Variants in ABCG8 observed in about 807,000 individuals in gnomAD.
The protein encoded by ABCG8 is ATP-binding cassette sub-family G member 8.
In ABCG8, 81 loss-of-function variants were observed where a neutral mutation model predicts 71.3. That is an observed-to-expected ratio of 1.14 (90% CI 0.95 to 1.37). The LOEUF is 1.37. Ranked by LOEUF, ABCG8 falls within the 40% of genes most tolerant of loss-of-function variation. The probability of loss-of-function intolerance (pLI) is 0.00; values close to 1 mark genes in which losing one functional copy is unlikely to be tolerated. For missense variants in ABCG8, 1,119 were observed against 866.2 expected, an observed-to-expected ratio of 1.29 and a Z score of -3.66; for synonymous variants, 451 against 354.7, an observed-to-expected ratio of 1.27 and a Z score of -3.05.
chr2:43,877,182 AAAG>A (rs748284479), intron 11 of ABCG8, among the ~76,000 whole-genome samples: 3 of 146,448 alleles, frequency 2.0e-5, no homozygotes, highest in Non-Finnish European at 3.0e-5. Flanking sequence ...ATGTCAATAT[AAAG>A]AAGACCATGG....
chr2:43,846,424 G>C, intron 3 of ABCG8, 113 bp downstream of exon 3: 1 of 1,459,660 alleles, frequency 6.9e-7, no homozygotes, highest in Non-Finnish European at 9.5e-7. Context: ...GAATAATACA[G>C]CAGAATGGCT....
intron 6 of ABCG8, among the ~76,000 whole-genome samples, chr2:43,855,678 C>G (rs1453633589): frequency 6.6e-6 from 1 of 151,974 alleles, no homozygotes; most frequent in Non-Finnish European, 1.5e-5. Context: ...CTCTCACTGT[C>G]TGGATAAAAT....
At chr2:43,851,951 G>A (rs533111166) in intron 4 of ABCG8, 129 bp downstream of exon 4, 24 of 1,083,886 alleles carry the variant, frequency 2.2e-5, no homozygotes, top group Admixed American at 8.7e-5. Context: ...CTTGCCTTCC[G>A]CCAGCCCTGG....
At chr2:43,868,591 G>C (rs1669619130) in intron 6 of ABCG8, among the ~76,000 whole-genome samples, 1 of 152,080 alleles carries the variant, frequency 6.6e-6, no homozygotes, top group Admixed American at 6.6e-5. Context: ...TATCTGGATA[G>C]AATAATCATC....
At chr2:43,839,994 T>TTAAC (rs1668518486) in intron 1 of ABCG8, among the ~76,000 whole-genome samples, 2 of 152,178 alleles carry the variant, frequency 1.3e-5, no homozygotes, top group South Asian at 4.1e-4. Flanking sequence ...CTGAGAAGTG[T>TTAAC]TTACTCAAGA....
chr2:43,879,163 T>G lies in ABCG8; in HGVS notation c.*1250T>G, dbSNP rs942494435. On this transcript the variant is annotated 3_prime_UTR_variant, in exon 13 of 13. Coordinates refer to ENST00000272286, the MANE Select transcript of ABCG8 (RefSeq NM_022437.3). ...AGAACCAGCCTTGAACCTTTCACAG[T>G]GGCCAGAGGATGGGGAGGCAGAGGC... 7 of 152,404 alleles carry G rather than the reference T, an allele frequency of 4.6e-5. No individual in the cohort carries two copies. Among genetic ancestry groups the G allele is most frequent in the Admixed American group, 3.9e-4 (6 of 15,278 alleles). 9.4% of individuals were successfully genotyped at this position (152,404 alleles called of 1,614,324 possible).
At chr2:43,865,487 C>G (rs72798806) in intron 6 of ABCG8, among the ~76,000 whole-genome samples, 7,908 of 152,118 alleles carry the variant, frequency 0.052, 245 homozygotes, top group Middle Eastern at 0.11. Context: ...AGCACTCTCA[C>G]TATCTGTCTG....
chr2:43,877,190 C>G (rs977244034), intron 11 of ABCG8, among the ~76,000 whole-genome samples: 1 of 145,354 alleles, frequency 6.9e-6, no homozygotes, highest in East Asian at 2.1e-4. Flanking sequence ...ATAAAGAAGA[C>G]CATGGGAATA....
intron 6 of ABCG8, among the ~76,000 whole-genome samples, chr2:43,855,313 ACT>A (rs1487649585): frequency 6.6e-6 from 1 of 151,990 alleles, no homozygotes; most frequent in Non-Finnish European, 1.5e-5. Flanking sequence ...TAGAATACTC[ACT>A]CTCTGGATAG....
intron 2 of ABCG8, 140 bp downstream of exon 2, chr2:43,844,748 G>A (rs183578448): frequency 2.8e-4 from 190 of 683,424 alleles, no homozygotes; most frequent in Middle Eastern, 2.2e-3. Flanking sequence ...GATGCCTCAC[G>A]TGTCAGGTGC....
At chr2:43,874,728 A>T (rs1193542789) in intron 10 of ABCG8, among the ~76,000 whole-genome samples, 1 of 152,128 alleles carries the variant, frequency 6.6e-6, no homozygotes, top group Non-Finnish European at 1.5e-5. Flanking sequence ...AAGGAATCTA[A>T]AAAAAAGAAG....
chr2:43,849,116 T>G (rs1032259622), intron 3 of ABCG8, among the ~76,000 whole-genome samples: 1 of 152,026 alleles, frequency 6.6e-6, no homozygotes, highest in South Asian at 2.1e-4. Context: ...AAAAGTGGTT[T>G]CCAATTGATG....
rs199731869 is a variant in ABCG8 at position 43,870,678 on chromosome 2, TG to T, written c.965-1295del. 2.3e-3 allele frequency among the ~76,000 whole-genome samples: 357 copies of T among 152,256 alleles called. 6 individuals carry two copies. Among genetic ancestry groups the T allele is most frequent in the Admixed American group, 0.019 (298 of 15,308 alleles). ...CCATCTGCATAGAACTCTCACTATA[TG>T]GGTAGAATTCTGACTCTCTGGATCG... On this transcript the variant is annotated intron_variant, in intron 6 of 12. Coordinates refer to ENST00000272286, the MANE Select transcript of ABCG8 (RefSeq NM_022437.3).
rs770455291 is a variant in ABCG8 at position 43,875,258 on chromosome 2, T to G, written c.1601T>G (p.Leu534Arg). Reference protein sequence around the residue: ...GLQPFLLHFLLVWLVVFCCRI... With the variant: ...GLQPFLLHFLRVWLVVFCCRI... ...CAGCCCTTCCTGCTGCACTTCCTGC[T>G]GGTGTGGCTGGTGGTCTTCTGTTGC... Residue 534 changes from leucine to arginine, a missense_variant, in exon 11 of 13, where the codon CTG (leucine) becomes CGG (arginine). Physicochemically the swap from Leu to Arg is moderately radical, Grantham distance 102. Coordinates refer to ENST00000272286, the MANE Select transcript of ABCG8 (RefSeq NM_022437.3). 1.2e-6 allele frequency: 2 copies of G among 1,614,236 alleles called. No homozygotes were observed. The highest frequency in any genetic ancestry group is 2.2e-5 in the South Asian group (2 of 91,090).
Position 43,852,792 on chromosome 2 carries a change from G to A in ABCG8, c.888G>A (p.Ala296=), listed in dbSNP as rs143182625. The change falls in exon 6 of 13, where the codon GCG becomes GCA. Residue 296 remains alanine (A), a synonymous_variant. Coordinates refer to ENST00000272286, the MANE Select transcript of ABCG8 (RefSeq NM_022437.3). ...CTGGCACCCCCATCTACTTAGGGGCGGCCCAGCACATGGTCCAGTATTTCA... is the reference window on the plus strand; with the variant it reads ...CTGGCACCCCCATCTACTTAGGGGCAGCCCAGCACATGGTCCAGTATTTCA... ...MTSGTPIYLG[A]AQHMVQYFTA... 13 of 1,613,952 alleles carry A rather than the reference G, an allele frequency of 8.1e-6. No homozygotes were observed. The highest frequency in any genetic ancestry group is 2.2e-5 in the East Asian group (1 of 44,870).
chr2:43,849,603 A>G (rs1668852082), intron 3 of ABCG8, among the ~76,000 whole-genome samples: 2 of 152,196 alleles, frequency 1.3e-5, no homozygotes, highest in South Asian at 2.1e-4. Flanking sequence ...TGCCACAGGC[A>G]TCCTCCATTG....
rs112765285 is a variant in ABCG8 at position 43,874,398 on chromosome 2, AC to A, written c.1412-8del. 1.3e-6 allele frequency: 2 copies of A among 1,590,308 alleles called. No homozygotes were observed. The highest frequency in any genetic ancestry group is 1.7e-5 in the Admixed American group (1 of 59,930). On this transcript the variant is annotated splice_polypyrimidine_tract_variant and splice_region_variant and intron_variant, in intron 9 of 12. Coordinates refer to ENST00000272286, the MANE Select transcript of ABCG8 (RefSeq NM_022437.3). ...TCTTCATTCTCTTTTCCTTTCCCTT[AC>A]TTTTTAGGTTACTCAGAGAGGGCAA... is the stretch of plus-strand genomic sequence containing the variant.
chr2:43,850,606 C>A (rs539145546), intron 3 of ABCG8, among the ~76,000 whole-genome samples: 5 of 152,306 alleles, frequency 3.3e-5, no homozygotes, highest in South Asian at 2.1e-4. Flanking sequence ...TCCTCCCATC[C>A]TCCACCCTCA....
chr2:43,848,058 C>G (rs1352329196), intron 3 of ABCG8: 2 of 152,004 alleles, frequency 1.3e-5, no homozygotes, highest in Admixed American at 6.6e-5. Flanking sequence ...AGTCACTGCA[C>G]CGAGCATCTC....
Sources: allele counts gnomAD v4.1 joint callset (sites outside exome capture counted in the v4.1 genomes callset), GRCh38; gene constraint gnomAD v4.1.1; transcripts MANE v1.5; gene names NCBI Gene and HGNC (gene_info 2026-07-23, HGNC 2026-07-21).